Variants in DDX10 observed in about 807,000 individuals in gnomAD.
DDX10 encodes probable ATP-dependent RNA helicase DDX10.
In DDX10, 74 loss-of-function variants were observed where a neutral mutation model predicts 104.3. The observed-to-expected ratio is 0.71, with a 90% CI of 0.59 to 0.86. DDX10 has a LOEUF of 0.86. DDX10 is among the 40% of genes least tolerant of loss of function. DDX10 has a pLI of 0.00. For synonymous variants in DDX10, 351 were observed against 353.4 expected (o/e 0.99, Z 0.08); for missense variants, 952 against 1,040.0 (o/e 0.92, Z 1.16).
chr11:108,779,057 G>A (rs2134536591), intron 13 of DDX10, among the ~76,000 whole-genome samples: 1 of 152,302 alleles, frequency 6.6e-6, no homozygotes, highest in East Asian at 1.9e-4. Flanking sequence ...GAGAGAATGT[G>A]GAGAAATAGG....
Position 108,864,775 on chromosome 11 carries a change from A to G in DDX10, c.2304+12566A>G, listed in dbSNP as rs114131313. 8.6e-3 allele frequency among the ~76,000 whole-genome samples: 1,301 copies of G among 152,138 alleles called. 18 individuals are homozygous for G. The highest frequency in any genetic ancestry group is 0.028 in the African/African-American group (1,171 of 41,490). ...GTGCCTGGCAACTTTTATACTTCTT[A>G]CAACCCTGAGGTGCTAGGCCTTTTC... On this transcript the variant is annotated intron_variant, in intron 16 of 17. Transcript: ENST00000322536.
intron 13 of DDX10, among the ~76,000 whole-genome samples, chr11:108,809,677 G>A (rs932299162): frequency 6.6e-6 from 1 of 152,208 alleles, no homozygotes; most frequent in Non-Finnish European, 1.5e-5. Context: ...CAGACGTGAT[G>A]AAGTCTGCCT....
intron 13 of DDX10, 102 bp from the exon 14 acceptor site, chr11:108,838,344 A>G: frequency 7.8e-7 from 1 of 1,274,654 alleles, no homozygotes; most frequent in Non-Finnish European, 1.1e-6. Context: ...CCAATGAGTA[A>G]TAAATGTACC....
chr11:108,856,421 A>G (rs886393898), intron 16 of DDX10, among the ~76,000 whole-genome samples: 1 of 151,924 alleles, frequency 6.6e-6, no homozygotes, highest in Non-Finnish European at 1.5e-5. Context: ...ACAGAGCGAG[A>G]CTCTGTCTCA....
intron 13 of DDX10, among the ~76,000 whole-genome samples, chr11:108,799,320 C>T (rs1861986725): frequency 6.6e-6 from 1 of 152,192 alleles, no homozygotes; most frequent in Non-Finnish European, 1.5e-5. Flanking sequence ...TCCCTGCATC[C>T]CCATCAAATG....
Position 108,940,308 on chromosome 11 carries a change from C to A in DDX10, c.2513C>A (p.Pro838Gln), listed in dbSNP as rs991088262. ...AACAGTGAAGTGGAAGACGTGGGAC[C>A]AACAAGTCATAACAGAAAGAAGGCC... is the stretch of plus-strand genomic sequence containing the variant. Reference protein sequence around the residue: ...RSNSEVEDVGPTSHNRKKARW... With the variant: ...RSNSEVEDVGQTSHNRKKARW... The change falls in exon 18 of 18, where the codon CCA becomes CAA. Residue 838 changes from proline to glutamine, a missense_variant. Pro to Gln is a moderately conservative substitution (Grantham distance 76, BLOSUM62 -1). Coordinates refer to ENST00000322536, the MANE Select transcript of DDX10 (RefSeq NM_004398.4). 1 of 1,613,948 alleles carries A rather than the reference C, an allele frequency of 6.2e-7. No individual in the cohort carries two copies.
intron 13 of DDX10, among the ~76,000 whole-genome samples, chr11:108,804,997 C>T (rs1862077694): frequency 6.6e-6 from 1 of 152,146 alleles, no homozygotes; most frequent in African/African-American, 2.4e-5. Context: ...GTGCTGCCCA[C>T]ACTGAGGCTG....
chr11:108,682,144 G>A (rs767626964), intron 6 of DDX10, among the ~76,000 whole-genome samples: 14 of 150,782 alleles, frequency 9.3e-5, no homozygotes, highest in Admixed American at 7.9e-4. Flanking sequence ...TTGCTCTGTC[G>A]CCCAGGCTGG....
chr11:108,736,959 C>T lies in DDX10; in HGVS notation c.1965+13497C>T, dbSNP rs114471206. On this transcript the variant is annotated intron_variant, in intron 13 of 17. Coordinates refer to ENST00000322536, the MANE Select transcript of DDX10 (RefSeq NM_004398.4). ...ATTAATATATAGGCTTCTGTAGGCA[C>T]ATTGTCTATATAATGAAGTGTGTAG... Among the ~76,000 whole-genome samples the T allele has an allele frequency of 1.1e-3, 168 of 152,264 alleles. 2 individuals carry two copies. Among genetic ancestry groups the T allele is most frequent in the African/African-American group, 3.9e-3 (163 of 41,562 alleles).
chr11:108,845,068 C>A (rs1278888819), intron 15 of DDX10, among the ~76,000 whole-genome samples: 2 of 151,978 alleles, frequency 1.3e-5, no homozygotes, highest in African/African-American at 4.8e-5. Context: ...ATTAGCCAGT[C>A]GTGATGGCGG....
At chr11:108,822,022 AC>A (rs1266143035) in intron 13 of DDX10, among the ~76,000 whole-genome samples, 1 of 152,178 alleles carries the variant, frequency 6.6e-6, no homozygotes, top group African/African-American at 2.4e-5. Flanking sequence ...TAAAAATAAA[AC>A]CAATTTCCAT....
chr11:108,740,323 T>C (rs2094323630), intron 13 of DDX10, among the ~76,000 whole-genome samples: 1 of 152,198 alleles, frequency 6.6e-6, no homozygotes, highest in Admixed American at 6.6e-5. Context: ...TTCACTATTA[T>C]TTTTTATGGC....
chr11:108,702,939 T>C (rs1035275323), intron 9 of DDX10, among the ~76,000 whole-genome samples: 3 of 152,218 alleles, frequency 2.0e-5, no homozygotes, highest in Admixed American at 2.0e-4. Context: ...AGTTTATATA[T>C]TAATACAAAA....
At chr11:108,742,279 A>T (rs1429205593) in intron 13 of DDX10, among the ~76,000 whole-genome samples, 1 of 150,764 alleles carries the variant, frequency 6.6e-6, no homozygotes, top group Non-Finnish European at 1.5e-5. Flanking sequence ...ACAAAACAAA[A>T]AAAAAACCCT....
Position 108,757,018 on chromosome 11 carries a change from A to G in DDX10, c.1965+33556A>G, listed in dbSNP as rs184755669. ...TCTGAAAAACAAATGCAGTAAACCCAGAACAGATGATTGTAGTCTGAGTCT... is the reference window on the plus strand; with the variant it reads ...TCTGAAAAACAAATGCAGTAAACCCGGAACAGATGATTGTAGTCTGAGTCT... On this transcript the variant is annotated intron_variant, in intron 13 of 17. Coordinates refer to ENST00000322536, the MANE Select transcript of DDX10 (RefSeq NM_004398.4). 2.0e-5 allele frequency among the ~76,000 whole-genome samples: 3 copies of G among 152,194 alleles called. No individual in the cohort carries two copies. The East Asian group carries it at 5.8e-4, about 29-fold the overall frequency.
At chr11:108,721,844 C>T (rs979081235) in intron 12 of DDX10, among the ~76,000 whole-genome samples, 1 of 152,104 alleles carries the variant, frequency 6.6e-6, no homozygotes, top group African/African-American at 2.4e-5. Flanking sequence ...CTGCTGCCTT[C>T]AATAAACTCA....
chr11:108,769,283 A>G (rs1226411516), intron 13 of DDX10, among the ~76,000 whole-genome samples: 1 of 141,610 alleles, frequency 7.1e-6, no homozygotes, highest in Non-Finnish European at 1.6e-5. Context: ...TTATTCCTTT[A>G]TCTGTGCTTT....
intron 13 of DDX10, among the ~76,000 whole-genome samples, chr11:108,766,250 G>A (rs1212741917): frequency 1.3e-5 from 2 of 152,126 alleles, no homozygotes; most frequent in Non-Finnish European, 2.9e-5. Flanking sequence ...TTAACATGTG[G>A]TTATACAATT....
At chr11:108,834,157 C>T (rs1179490781) in intron 13 of DDX10, among the ~76,000 whole-genome samples, 1 of 148,700 alleles carries the variant, frequency 6.7e-6, no homozygotes, top group Non-Finnish European at 1.5e-5. Flanking sequence ...TTAGTAGAGA[C>T]TGAGTGTCAC....
Sources: allele counts gnomAD v4.1 joint callset (sites outside exome capture counted in the v4.1 genomes callset), GRCh38; gene constraint gnomAD v4.1.1; transcripts MANE v1.5; gene names NCBI Gene and HGNC (gene_info 2026-07-23, HGNC 2026-07-21).